EYS: variants seen among roughly 807,000 people sequenced by gnomAD.
EYS encodes the protein protein eyes shut homolog.
EYS carries 250 observed loss-of-function variants against 282.1 expected under a neutral mutation model. The ratio of observed to expected loss-of-function variants is 0.89; its 90% CI spans 0.80 to 0.98. EYS has a LOEUF of 0.98. Among genes scored for constraint, EYS ranks in the 50% least tolerant of loss-of-function variants. The pLI, the probability that EYS is intolerant of heterozygous loss-of-function variation, is 0.00. For synonymous variants in EYS, 1,355 were observed against 1,282.9 expected, an observed-to-expected ratio of 1.06 and a Z score of -1.20; for missense variants, 4,016 against 3,709.0, an observed-to-expected ratio of 1.08 and a Z score of -2.15.
intron 31 of EYS, among the ~76,000 whole-genome samples, chr6:64,126,704 C>A (rs1189067245): frequency 6.6e-6 from 1 of 152,136 alleles, no homozygotes; most frequent in Non-Finnish European, 1.5e-5. Context: ...TGTCTTCCTG[C>A]AATCATTTAG....
intron 1 of EYS, among the ~76,000 whole-genome samples, chr6:65,658,426 G>A (rs1311023947): frequency 6.6e-6 from 1 of 151,524 alleles, no homozygotes; most frequent in East Asian, 1.9e-4. Flanking sequence ...TTTAAGAGAA[G>A]ACTAATATTC....
In EYS at chr6:64,727,768, T is replaced by G. The variant is rs189571932; in HGVS notation, c.3443+85610A>C. ...AGTGACCCAATCCTAGAACATAGTA[T>G]GGACTTCATTTATGGTTACTGAACC... On this transcript the variant is annotated intron_variant, in intron 22 of 42. Coordinates refer to ENST00000503581, the MANE Select transcript of EYS (RefSeq NM_001142800.2). 1.0e-3 allele frequency among the ~76,000 whole-genome samples: 155 copies of G among 152,356 alleles called. 1 individual carries two copies. Among genetic ancestry groups the G allele is most frequent in the Admixed American group, 6.0e-3 (92 of 15,310 alleles).
Position 64,862,457 on chromosome 6 carries a change from A to G in EYS, c.2992+24240T>C, listed in dbSNP as rs148949835. On this transcript the variant is annotated intron_variant, in intron 19 of 42. Coordinates refer to ENST00000503581, the MANE Select transcript of EYS (RefSeq NM_001142800.2). ...AGAAAACAATTTTTGATATTGCTCAATATTTCTAAATTTTCCATTTGACTC... is the reference window on the plus strand; with the variant it reads ...AGAAAACAATTTTTGATATTGCTCAGTATTTCTAAATTTTCCATTTGACTC... Among the ~76,000 whole-genome samples, 1,290 of 152,270 alleles carry G rather than the reference A, an allele frequency of 8.5e-3. 8 individuals carry two copies. The highest frequency in any genetic ancestry group is 0.014 in the Non-Finnish European group (958 of 68,020).
chr6:65,688,890 A>T (rs62407759), intron 1 of EYS, among the ~76,000 whole-genome samples: 18,503 of 151,544 alleles, frequency 0.12, 1,397 homozygotes, highest in South Asian at 0.27. Flanking sequence ...GCTGGAGAGG[A>T]TGTGGAGAAA....
intron 36 of EYS, among the ~76,000 whole-genome samples, chr6:63,819,719 A>C (rs769973705): frequency 2.0e-5 from 3 of 152,164 alleles, no homozygotes; most frequent in African/African-American, 7.2e-5. Context: ...TGTTGTTTAG[A>C]AGTAATATTG....
intron 31 of EYS, among the ~76,000 whole-genome samples, chr6:64,171,151 C>CATT (rs61385269): frequency 0.31 from 47,433 of 151,890 alleles, 7,443 homozygotes; most frequent in East Asian, 0.49. Flanking sequence ...TAACATTAAA[C>CATT]ATTTTATGGT....
rs16895519 is a variant in EYS, at chr6:64,591,774, T to G, written c.4093A>C (p.Lys1365Gln). 1 of 1,551,312 alleles carries G rather than the reference T, an allele frequency of 6.4e-7. No homozygotes were observed. Among genetic ancestry groups the G allele is most frequent in the Non-Finnish European group, 8.7e-7 (1 of 1,146,730 alleles). Residue 1365 changes from lysine (K) to glutamine (Q), a missense_variant, in exon 26 of 43, where the codon AAA becomes CAA. Physicochemically the swap from Lys to Gln is moderately conservative, Grantham distance 53. Coordinates refer to ENST00000503581, the MANE Select transcript of EYS (RefSeq NM_001142800.2). The stretch of plus-strand genomic sequence containing the variant: ...ATAGGCATATGTGATACCGATGTTT[T>G]GTCCTGGACAATTTGTGCTGGGTCA... ...IRDPAQIVQD[K>Q]TSVSHMPIRT...
chr6:64,507,533 G>A (rs1777249767), intron 26 of EYS, among the ~76,000 whole-genome samples: 1 of 152,156 alleles, frequency 6.6e-6, no homozygotes, highest in Admixed American at 6.5e-5. Context: ...AGGGAATGAA[G>A]TGCATTTTTA....
At chr6:65,141,762 G>C (rs927858015) in intron 12 of EYS, among the ~76,000 whole-genome samples, 1 of 138,304 alleles carries the variant, frequency 7.2e-6, no homozygotes, top group African/African-American at 2.8e-5. Flanking sequence ...CTCATCAGAA[G>C]TTCGGGGGCA....
intron 12 of EYS, among the ~76,000 whole-genome samples, chr6:65,125,215 CTTCA>C (rs1175711551): frequency 1.3e-5 from 2 of 152,126 alleles, no homozygotes; most frequent in African/African-American, 4.8e-5. Flanking sequence ...TCCTTTTTCC[CTTCA>C]TTTATTCAAG....
chr6:64,789,411 T>C (rs1327183603), intron 22 of EYS, among the ~76,000 whole-genome samples: 1 of 152,120 alleles, frequency 6.6e-6, no homozygotes, highest in Non-Finnish European at 1.5e-5. Context: ...CGTTCTCTCA[T>C]ACACACACAT....
At chr6:65,330,503 A>AC in intron 11 of EYS, 5 of 984,150 alleles carry the variant, frequency 5.1e-6, no homozygotes, top group Non-Finnish European at 6.0e-6. Flanking sequence ...CATTTTATAA[A>AC]CCCCCAGAAA....
intron 5 of EYS, among the ~76,000 whole-genome samples, chr6:65,485,626 G>A (rs578181255): frequency 3.9e-4 from 60 of 152,270 alleles, no homozygotes; most frequent in Middle Eastern, 3.4e-3. Flanking sequence ...CCAACATGGC[G>A]AAATCCCGTC....
chr6:64,428,870 A>T (rs941633729), intron 28 of EYS, among the ~76,000 whole-genome samples: 2 of 152,180 alleles, frequency 1.3e-5, no homozygotes, highest in African/African-American at 4.8e-5. Context: ...TCCCAGATAT[A>T]TGATAAAATG....
At chr6:64,170,300 C>T (rs1000133623) in intron 31 of EYS, among the ~76,000 whole-genome samples, 1 of 152,150 alleles carries the variant, frequency 6.6e-6, no homozygotes, top group African/African-American at 2.4e-5. Flanking sequence ...CAATGTATCC[C>T]CTAAGCAACT....
chr6:65,115,248 AT>A (rs1775332955), intron 12 of EYS, among the ~76,000 whole-genome samples: 1 of 152,086 alleles, frequency 6.6e-6, no homozygotes, highest in African/African-American at 2.4e-5. Context: ...AAAACAAAAA[AT>A]TTTATACAAA....
At chr6:65,156,259 C>A (rs1764726086) in intron 12 of EYS, among the ~76,000 whole-genome samples, 1 of 151,154 alleles carries the variant, frequency 6.6e-6, no homozygotes, top group Non-Finnish European at 1.5e-5. Flanking sequence ...CCTAAAAAGA[C>A]CCAGAGTACT....
intron 1 of EYS, among the ~76,000 whole-genome samples, chr6:65,704,037 C>G (rs971919726): frequency 1.3e-5 from 2 of 151,994 alleles, no homozygotes; most frequent in African/African-American, 4.8e-5. Flanking sequence ...CAATATTAGG[C>G]AGAGTCTTCA....
At chr6:63,968,268 T>C (rs1766397403) in intron 35 of EYS, among the ~76,000 whole-genome samples, 1 of 152,166 alleles carries the variant, frequency 6.6e-6, no homozygotes, top group Non-Finnish European at 1.5e-5. Flanking sequence ...AGAAGAGAGC[T>C]TCAGATGAAA....
Sources: gnomAD v4.1 joint callset for allele counts (sites outside exome capture counted in the v4.1 genomes callset) on GRCh38, gnomAD v4.1.1 for gene constraint, MANE v1.5 for transcripts, NCBI Gene and HGNC (gene_info 2026-07-23, HGNC 2026-07-21) for gene names.